SMARCA4: variants seen among roughly 807,000 people sequenced by gnomAD.
SMARCA4 encodes SWI/SNF related BAF chromatin remodeling complex subunit ATPase 4, also known as SWI/SNF-related matrix-associated actin-dependent regulator of chromatin subfamily A member 4.
In SMARCA4, 31 loss-of-function variants were observed where a neutral mutation model predicts 193.9. That is an observed-to-expected ratio of 0.16 (90% CI 0.12 to 0.22). SMARCA4 has a LOEUF of 0.22. Ranked by LOEUF, SMARCA4 falls within the 10% of genes least tolerant of loss-of-function variation. SMARCA4 has a pLI of 1.00. For missense variants in SMARCA4, 1,148 were observed against 2,296.0 expected (o/e 0.50, Z 10.22); for synonymous variants, 942 against 933.1 (o/e 1.01, Z -0.17).
chr19:11,037,773 C>G (rs1039937126), intron 29 of SMARCA4, among the ~76,000 whole-genome samples: 3 of 152,062 alleles, frequency 2.0e-5, no homozygotes, highest in Middle Eastern at 3.2e-3. Context: ...CCATGTAGAT[C>G]CATGTAAGAT....
chr19:10,961,273 C>T (rs1317801837), intron 1 of SMARCA4, 99 bp downstream of exon 1: 1 of 148,974 alleles, frequency 6.7e-6, no homozygotes, highest in African/African-American at 2.4e-5. Context: ...GCCGGCGCGC[C>T]CTGTGCGGGG....
In SMARCA4 at chr19:10,986,849, G is replaced by A. The variant is rs2145793026; in HGVS notation, c.761-56G>A. ...GAGCCAGGGCTGCCCACGGGGCTGGGCGCAGGCATAAACCTGGGACGCACT... is the reference window on the plus strand; with the variant it reads ...GAGCCAGGGCTGCCCACGGGGCTGGACGCAGGCATAAACCTGGGACGCACT... On this transcript the variant is annotated intron_variant, in intron 4 of 34. Transcript: ENST00000344626. This position sits in a 1 kb window ranked among gnomAD's most constrained non-coding sequence, Gnocchi z 6.7. 2 of 1,461,876 alleles carry A rather than the reference G, an allele frequency of 1.4e-6. No homozygotes were observed. The highest frequency in any genetic ancestry group is 9.6e-7 in the Non-Finnish European group (1 of 1,042,860). The allele number at this position is 1,461,876 out of a possible 1,614,324, so 90.6% of individuals were successfully genotyped here. A position where few individuals can be genotyped will look rare whatever the true frequency, so the allele number is the denominator to read the frequency against.
rs1201535167 is a variant in SMARCA4 at position 11,034,889 on chromosome 19, C to CT, written c.3952-24dup. On this transcript the variant is annotated intron_variant, in intron 28 of 34. Transcript: ENST00000344626. The surrounding 1 kb of genome is among the most constrained non-coding windows in gnomAD (Gnocchi z 7.0). ...CCCTGGTGCCTGCATGCTGATGCCTCTCCCGTTGCCTCCCTGCCCACCAGC... is the reference window on the plus strand; with the variant it reads ...CCCTGGTGCCTGCATGCTGATGCCTCTTCCCGTTGCCTCCCTGCCCACCAGC... 8.6e-6 allele frequency: 13 copies of CT among 1,510,216 alleles called. No homozygotes were observed. The highest frequency in any genetic ancestry group is 1.2e-5 in the Non-Finnish European group (13 of 1,113,278). 93.6% of individuals were successfully genotyped at this position (1,510,216 alleles called of 1,614,324 possible). A position where few individuals can be genotyped will look rare whatever the true frequency, so the allele number is the denominator to read the frequency against.
intron 11 of SMARCA4, among the ~76,000 whole-genome samples, chr19:11,002,503 A>AAAATAAATAAAAATAAAAAAT (rs61385310): frequency 1.3e-5 from 2 of 151,250 alleles, no homozygotes; most frequent in African/African-American, 4.9e-5. Flanking sequence ...ATAAAAATAA[A>AAAATAAATAAAAATAAAAAAT]AAATAAAAAT....
chr19:11,054,523 G>A (rs981849376), intron 30 of SMARCA4, among the ~76,000 whole-genome samples: 2 of 152,214 alleles, frequency 1.3e-5, no homozygotes, highest in Non-Finnish European at 2.9e-5. Context: ...GGCCAGGTGC[G>A]GTGGCTCAGC....
rs145876657 is a variant in SMARCA4 at position 11,060,334 on chromosome 19, G to T, written c.4911+147G>T. 5.2e-3 allele frequency: 5,158 copies of T among 1,000,256 alleles called. 161 individuals are homozygous for T. The highest frequency in any genetic ancestry group is 0.047 in the South Asian group (3,316 of 70,134). 62.0% of individuals were successfully genotyped at this position (1,000,256 alleles called of 1,614,324 possible). A position where few individuals can be genotyped will look rare whatever the true frequency, so the allele number is the denominator to read the frequency against. ...GCTTGACCTGCCATGGCTGACCCCA[G>T]GTCACACAGCCAGTATGTGGCAGGG... On this transcript the variant is annotated intron_variant, in intron 34 of 34. Coordinates refer to ENST00000344626, the MANE Select transcript of SMARCA4 (RefSeq NM_003072.5).
At chr19:10,965,307 C>T (rs1693474794) in intron 1 of SMARCA4, 1 of 148,506 alleles carries the variant, frequency 6.7e-6, no homozygotes, top group Non-Finnish European at 1.5e-5. Context: ...TAGTACCCAG[C>T]TTGTAGGATT....
At chr19:11,008,712 G>A (rs1229768424) in intron 14 of SMARCA4, among the ~76,000 whole-genome samples, 1 of 151,836 alleles carries the variant, frequency 6.6e-6, no homozygotes, top group Non-Finnish European at 1.5e-5. Context: ...GGTGGCTCAG[G>A]CCTGTAATCC....
chr19:10,968,353 C>G (rs1294046099), intron 1 of SMARCA4, among the ~76,000 whole-genome samples: 1 of 152,122 alleles, frequency 6.6e-6, no homozygotes, highest in Non-Finnish European at 1.5e-5. Flanking sequence ...TGTTACCTCC[C>G]TAAAGGGGCA....
In SMARCA4 at chr19:10,990,883, C is replaced by T. The variant is rs535322660; in HGVS notation, c.1246-267C>T. Among the ~76,000 whole-genome samples, 4 of 152,338 alleles carry T rather than the reference C, an allele frequency of 2.6e-5. No individual in the cohort carries two copies. In the South Asian group the frequency reaches 8.3e-4, roughly 32 times the overall value. On this transcript the variant is annotated intron_variant, in intron 7 of 34. Transcript: ENST00000344626. ...CCAAGAGTGTTATACTTCTGAATGA[C>T]TCCTAAGACGTGTGTGTGGTAGAGG...
intron 18 of SMARCA4, chr19:11,021,171 C>G (rs1484490277): frequency 4.8e-6 from 1 of 207,136 alleles, no homozygotes; most frequent in African/African-American, 2.3e-5. Context: ...GCCAGTGGCT[C>G]AGTTGATGTA....
At chr19:11,014,235 CCATGGGAAAATGCCCTT>C (rs2089146020) in intron 16 of SMARCA4, among the ~76,000 whole-genome samples, 1 of 152,184 alleles carries the variant, frequency 6.6e-6, no homozygotes, top group South Asian at 2.1e-4. Flanking sequence ...TGCTCCAACC[CCATGGGAAAATGCCCTT>C]CTGCCTATAA....
intron 1 of SMARCA4, chr19:10,983,760 C>G: frequency 6.3e-6 from 2 of 318,026 alleles, no homozygotes; most frequent in Non-Finnish European, 1.2e-5. Flanking sequence ...AGCTATAGTC[C>G]TGTTCTTTCT....
chr19:11,031,207 G>A lies in SMARCA4; in HGVS notation c.3546+314G>A, dbSNP rs767938537. ...GAAAGTATCCTGATCAATCTGCGCC[G>A]TCACTGTGGGGCGGCCCCTGCAGTG... On this transcript the variant is annotated intron_variant, in intron 25 of 34. Coordinates refer to ENST00000344626, the MANE Select transcript of SMARCA4 (RefSeq NM_003072.5). This position sits in a 1 kb window ranked among gnomAD's most constrained non-coding sequence, Gnocchi z 4.3. The A allele has an allele frequency of 9.9e-6, 4 of 402,682 alleles. No homozygotes were observed. The highest frequency in any genetic ancestry group is 2.0e-5 in the African/African-American group (1 of 48,818). The allele number at this position is 402,682 out of a possible 1,614,324, so 24.9% of individuals were successfully genotyped here. A position where few individuals can be genotyped will look rare whatever the true frequency, so the allele number is the denominator to read the frequency against.
rs1012292339 is a variant in SMARCA4 at position 11,031,189 on chromosome 19, TC to T, written c.3546+298del. The T allele has an allele frequency of 6.9e-6, 3 of 434,888 alleles. No individual in the cohort carries two copies. Among genetic ancestry groups the T allele is most frequent in the Non-Finnish European group, 1.3e-5 (3 of 231,396 alleles). The allele number at this position is 434,888 out of a possible 1,614,324, so 26.9% of individuals were successfully genotyped here. On this transcript the variant is annotated intron_variant, in intron 25 of 34. Transcript: ENST00000344626. The surrounding 1 kb of genome is among the most constrained non-coding windows in gnomAD (Gnocchi z 4.3). The stretch of plus-strand genomic sequence containing the variant: ...GGCACCCATGAGGAGGTGGAAAGTA[TC>T]CTGATCAATCTGCGCCGTCACTGTG...
At chr19:11,005,020 G>C (rs2088058215) in intron 13 of SMARCA4, among the ~76,000 whole-genome samples, 1 of 152,042 alleles carries the variant, frequency 6.6e-6, no homozygotes, top group African/African-American at 2.4e-5. Context: ...ATTTTTAGTA[G>C]AGACAGGGTT....
chr19:11,029,877 T>C (rs1402218333), intron 24 of SMARCA4, among the ~76,000 whole-genome samples: 4 of 152,098 alleles, frequency 2.6e-5, no homozygotes, highest in African/African-American at 9.7e-5. Flanking sequence ...GGTTTCACCA[T>C]GTTGGCCAGG....
intron 30 of SMARCA4, among the ~76,000 whole-genome samples, chr19:11,044,198 C>T (rs924958310): frequency 7.2e-5 from 11 of 152,096 alleles, no homozygotes; most frequent in Non-Finnish European, 1.2e-4. Flanking sequence ...CCCCCACACA[C>T]GCACACACCA....
In SMARCA4 at chr19:11,040,180, C is replaced by T. The variant is rs1377519191; in HGVS notation, c.4171-1127C>T. ...ATCCCAGGTACTTGGGAGGCTGAAG[C>T]AGGAGAATTGCTTGAACCCAGGAGG... On this transcript the variant is annotated intron_variant, in intron 29 of 34. Coordinates refer to ENST00000344626, the MANE Select transcript of SMARCA4 (RefSeq NM_003072.5). 3 of 151,522 alleles carry T rather than the reference C, an allele frequency of 2.0e-5. 1 individual carries two copies. In the East Asian group the frequency reaches 5.8e-4, roughly 29 times the overall value. The allele number at this position is 151,522 out of a possible 1,614,324, so 9.4% of individuals were successfully genotyped here. A position where few individuals can be genotyped will look rare whatever the true frequency, so the allele number is the denominator to read the frequency against.
Sources: gnomAD v4.1 joint callset for allele counts (sites outside exome capture counted in the v4.1 genomes callset) on GRCh38, gnomAD v4.1.1 for gene constraint, Gnocchi (gnomAD v3.1) non-coding constraint, MANE v1.5 for transcripts, NCBI Gene and HGNC (gene_info 2026-07-23, HGNC 2026-07-21) for gene names.